Variants in SOX5 observed in about 807,000 individuals in gnomAD.
The protein encoded by SOX5 is SRY-box transcription factor 5.
Under a neutral mutation model 92.0 loss-of-function variants are expected in SOX5, and 9 were observed. The observed-to-expected ratio is 0.10, with a 90% CI of 0.06 to 0.17. The LOEUF is 0.17. Among genes scored for constraint, SOX5 ranks in the 10% least tolerant of loss-of-function variants. SOX5 has a pLI of 1.00. For missense variants in SOX5, 642 were observed against 944.5 expected (o/e 0.68, Z 4.20); for synonymous variants, 344 against 336.3 (o/e 1.02, Z -0.25).
At chr12:23,587,784 T>C (rs1291792480) in intron 9 of SOX5, among the ~76,000 whole-genome samples, 5 of 152,152 alleles carry the variant, frequency 3.3e-5, no homozygotes, top group Non-Finnish European at 4.4e-5. Flanking sequence ...TCAATTTATA[T>C]ACATCCAATT....
In SOX5 at chr12:23,921,730, C is replaced by A. The variant is rs1595666619; in HGVS notation, c.39-25706G>T. On this transcript the variant is annotated intron_variant, in intron 1 of 14. Transcript: ENST00000451604. ...TCTGCTCTCTAACTCACACTCCCCA[C>A]AACCACCCAGCCTTCTTACAATCTT... is the stretch of plus-strand genomic sequence containing the variant. 2.0e-5 allele frequency among the ~76,000 whole-genome samples: 3 copies of A among 152,226 alleles called. No homozygotes were observed. In the South Asian group the frequency reaches 6.2e-4, roughly 32 times the overall value.
chr12:24,104,730 G>T (rs1009308178), intron 4 of SOX5, among the ~76,000 whole-genome samples: 1 of 152,216 alleles, frequency 6.6e-6, no homozygotes, highest in Non-Finnish European at 1.5e-5. Context: ...AAATGTCTCT[G>T]CCAAAGGGCA....
intron 3 of SOX5, among the ~76,000 whole-genome samples, chr12:24,274,096 T>C (rs1177346395): frequency 6.6e-6 from 1 of 152,198 alleles, no homozygotes; most frequent in African/African-American, 2.4e-5. Flanking sequence ...ATAATGTAAA[T>C]TTTACAGTTG....
intron 1 of SOX5, among the ~76,000 whole-genome samples, chr12:24,429,064 T>C (rs958404133): frequency 6.6e-6 from 1 of 152,098 alleles, no homozygotes; most frequent in Non-Finnish European, 1.5e-5. Flanking sequence ...ACGACTGTAA[T>C]CCCAGCACTT....
intron 1 of SOX5, among the ~76,000 whole-genome samples, chr12:24,506,185 C>T (rs1167823274): frequency 6.6e-6 from 1 of 152,038 alleles, no homozygotes; most frequent in Non-Finnish European, 1.5e-5. Context: ...ACAATAGTTA[C>T]ATTTTTAAAA....
intron 3 of SOX5, among the ~76,000 whole-genome samples, chr12:23,756,270 G>A (rs1308853432): frequency 6.6e-6 from 1 of 151,512 alleles, no homozygotes; most frequent in Non-Finnish European, 1.5e-5. Flanking sequence ...TATAAAAGAA[G>A]CCTTAAAAAG....
intron 3 of SOX5, among the ~76,000 whole-genome samples, chr12:23,761,504 T>A (rs1460145106): frequency 6.6e-6 from 1 of 152,140 alleles, no homozygotes; most frequent in Non-Finnish European, 1.5e-5. Flanking sequence ...TCAATACGAT[T>A]TGGGTAATAA....
At chr12:24,402,525 A>G (rs1309216996) in intron 1 of SOX5, among the ~76,000 whole-genome samples, 2 of 152,086 alleles carry the variant, frequency 1.3e-5, no homozygotes, top group Non-Finnish European at 2.9e-5. Flanking sequence ...AGAACCTGTC[A>G]TGTCTCTTCT....
chr12:24,363,051 ATATT>A (rs1353966052), intron 2 of SOX5, among the ~76,000 whole-genome samples: 11 of 152,138 alleles, frequency 7.2e-5, no homozygotes, highest in African/African-American at 2.6e-4. Context: ...AATATATGAA[ATATT>A]TATTGATATT....
intron 4 of SOX5, among the ~76,000 whole-genome samples, chr12:23,983,782 GT>G (rs1383209336): frequency 6.6e-6 from 1 of 151,924 alleles, no homozygotes; most frequent in African/African-American, 2.4e-5. Flanking sequence ...CTTAAATTGT[GT>G]CCTAATTTAT....
chr12:23,862,964 A>T (rs2096772191), intron 2 of SOX5, among the ~76,000 whole-genome samples: 2 of 152,230 alleles, frequency 1.3e-5, no homozygotes, highest in African/African-American at 4.8e-5. Flanking sequence ...GGATGTCAAT[A>T]GCAGGTCTGT....
intron 4 of SOX5, among the ~76,000 whole-genome samples, chr12:24,126,085 C>T (rs538112076): frequency 6.6e-6 from 1 of 152,280 alleles, no homozygotes; most frequent in Admixed American, 6.5e-5. Context: ...CTCCTCTAGC[C>T]TTCTCTGTAA....
At chr12:23,754,202 G>A (rs1163709956) in intron 4 of SOX5, among the ~76,000 whole-genome samples, 3 of 151,436 alleles carry the variant, frequency 2.0e-5, no homozygotes, top group Non-Finnish European at 4.4e-5. Flanking sequence ...ACTTGTGAAG[G>A]AAAACGAGGG....
At chr12:23,989,166 G>A (rs1269569740) in intron 4 of SOX5, among the ~76,000 whole-genome samples, 1 of 146,088 alleles carries the variant, frequency 6.8e-6, no homozygotes, top group Non-Finnish European at 1.5e-5. Flanking sequence ...CTGAGCTCAG[G>A]AGTTGGACAC....
chr12:23,539,095 A>T (rs1308615068), intron 13 of SOX5, among the ~76,000 whole-genome samples: 3 of 151,320 alleles, frequency 2.0e-5, no homozygotes, highest in Non-Finnish European at 4.4e-5. Flanking sequence ...GTGAGCCACC[A>T]CTCCTGGCCA....
intron 3 of SOX5, among the ~76,000 whole-genome samples, chr12:23,839,351 C>G (rs1319930839): frequency 6.6e-6 from 1 of 152,112 alleles, no homozygotes; most frequent in Non-Finnish European, 1.5e-5. Context: ...AGAACATCAT[C>G]TAAAGCTGAG....
chr12:24,005,586 C>T (rs1441427420), intron 4 of SOX5, among the ~76,000 whole-genome samples: 1 of 152,122 alleles, frequency 6.6e-6, no homozygotes, highest in African/African-American at 2.4e-5. Context: ...TTGAAGAGGA[C>T]TTCTCTGCCT....
At chr12:24,005,119 G>A (rs932640773) in intron 4 of SOX5, among the ~76,000 whole-genome samples, 1 of 151,826 alleles carries the variant, frequency 6.6e-6, no homozygotes, top group African/African-American at 2.4e-5. Context: ...ATCTTTTTGA[G>A]GATGATGGAA....
intron 1 of SOX5, among the ~76,000 whole-genome samples, chr12:23,914,254 T>G (rs930297522): frequency 6.6e-6 from 1 of 152,196 alleles, no homozygotes; most frequent in Admixed American, 6.5e-5. Flanking sequence ...ATTTTTTTCA[T>G]AGTAGTTGTT....
Sources: gnomAD v4.1 joint callset for allele counts (sites outside exome capture counted in the v4.1 genomes callset) on GRCh38, gnomAD v4.1.1 for gene constraint, MANE v1.5 for transcripts, NCBI Gene and HGNC (gene_info 2026-07-23, HGNC 2026-07-21) for gene names.